Variants in ABCC10 observed in about 807,000 individuals in gnomAD.
ABCC10 encodes the protein ATP binding cassette subfamily C member 10, also known as ATP-binding cassette sub-family C member 10.
In ABCC10, 110 loss-of-function variants were observed where a neutral mutation model predicts 143.2. That is an observed-to-expected ratio of 0.77 (90% CI 0.66 to 0.90). ABCC10 has a LOEUF of 0.90. Among genes scored for constraint, ABCC10 ranks in the 40% least tolerant of loss-of-function variants. The pLI, the probability that ABCC10 is intolerant of heterozygous loss-of-function variation, is 0.00. For missense variants in ABCC10, 1,700 were observed against 1,900.5 expected, an observed-to-expected ratio of 0.89 and a Z score of 1.96; for synonymous variants, 805 against 846.7, an observed-to-expected ratio of 0.95 and a Z score of 0.85.
In ABCC10 at chr6:43,436,233, C is replaced by G. The variant is rs1195992131; in HGVS notation, c.1861C>G (p.Leu621Val). ...GTSLETFISH[L>V]EVKKGMLVGI... ...CAGCCTGGAGACCTTCATCAGTCAT[C>G]TCGAAGTGAAAAAGGTTTGTTGGAC... Residue 621 changes from leucine (L) to valine (V), a missense_variant, in exon 6 of 22, where the codon CTC becomes GTC. Physicochemically the swap from Leu to Val is conservative, Grantham distance 32. Transcript: ENST00000372530. 1 of 1,613,802 alleles carries G rather than the reference C, an allele frequency of 6.2e-7. No homozygotes were observed. The highest frequency in any genetic ancestry group is 8.5e-7 in the Non-Finnish European group (1 of 1,179,986).
chr6:43,443,867 C>T lies in ABCC10; in HGVS notation c.2417-66C>T, dbSNP rs527489600. The T allele has an allele frequency of 7.6e-4, 1,116 of 1,471,892 alleles. 7 individuals are homozygous for T. Among genetic ancestry groups the T allele is most frequent in the Non-Finnish European group, 3.1e-4 (327 of 1,050,600 alleles). The allele number at this position is 1,471,892 out of a possible 1,614,324, so 91.2% of individuals were successfully genotyped here. On this transcript the variant is annotated intron_variant, in intron 10 of 21. Coordinates refer to ENST00000372530, the MANE Select transcript of ABCC10 (RefSeq NM_001198934.2). The surrounding 1 kb of genome is among the most constrained non-coding windows in gnomAD (Gnocchi z 4.2). ...GAGGATGAGAGGTGGGATCTGCACA[C>T]GCACTGAGAAAGGCATAGTATAGAC...
At position 43,433,308 on chromosome 6, in the gene ABCC10, G is replaced by A. The variant is rs758290484; in HGVS notation, c.1328G>A (p.Arg443His). 26 of 1,613,916 alleles carry A rather than the reference G, an allele frequency of 1.6e-5. No homozygotes were observed. Among genetic ancestry groups the A allele is most frequent in the Non-Finnish European group, 2.2e-5 (26 of 1,179,904 alleles). ...LVPVNKVIAT[R>H]IMASNQEMLQ... ...CCCGTCAACAAAGTGATTGCCACCC[G>A]CATCATGGCCAGCAACCAGGAAATG... Residue 443 changes from arginine (R) to histidine (H), a missense_variant, in exon 3 of 22, where the codon CGC (arginine) becomes CAC (histidine). By Grantham distance (29) the Arg-to-His change is conservative. Transcript: ENST00000372530.
At chr6:43,449,624 G>T in intron 21 of ABCC10, 90 bp downstream of exon 21, 1 of 1,091,268 alleles carries the variant, frequency 9.2e-7, no homozygotes, top group Non-Finnish European at 1.3e-6. Context: ...AGTGGTCAGG[G>T]CCTTAGAGAT....
In ABCC10 at chr6:43,445,582, C is replaced by T. The variant is rs1170303370; in HGVS notation, c.3031-17C>T. On this transcript the variant is annotated splice_polypyrimidine_tract_variant and intron_variant, in intron 14 of 21. Coordinates refer to ENST00000372530, the MANE Select transcript of ABCC10 (RefSeq NM_001198934.2). ...CTGCCAGACTCTGCCCTGGCCCAAT[C>T]AGCGTCCTTCTCCCAGGCACCAGTG... 1 of 1,592,908 alleles carries T rather than the reference C, an allele frequency of 6.3e-7. No homozygotes were observed. The highest frequency in any genetic ancestry group is 1.1e-5 in the South Asian group (1 of 89,774).
In ABCC10 at chr6:43,434,730, G is replaced by A. The variant is rs766248445; in HGVS notation, c.1490G>A (p.Arg497Gln). ...CGGGCTCGAGAGCTGGGGCGACTCC[G>A]GGTCATCAAATACCTGGATGCGGCC... Reference protein sequence around the residue: ...ACRARELGRLRVIKYLDAACV... With the variant: ...ACRARELGRLQVIKYLDAACV... The change falls in exon 4 of 22, where the codon CGG (arginine) becomes CAG (glutamine). Residue 497 changes from arginine (R) to glutamine (Q), a missense_variant. Transcript: ENST00000372530. The A allele has an allele frequency of 1.5e-5, 25 of 1,614,058 alleles. No homozygotes were observed. The highest frequency in any genetic ancestry group is 9.3e-5 in the African/African-American group (7 of 74,890).
At chr6:43,445,356 G>A (rs116738220) in intron 14 of ABCC10, 42 bp downstream of exon 14, 65,996 of 1,577,874 alleles carry the variant, frequency 0.042, 1,580 homozygotes, top group Non-Finnish European at 0.047. Context: ...TGCAGTCCTA[G>A]CCCCTGTGGA....
At position 43,449,006 on chromosome 6, in the gene ABCC10, G is replaced by A; in HGVS notation, c.4085G>A (p.Ser1362Asn). 6.2e-7 allele frequency: 1 copy of A among 1,614,110 alleles called. No individual in the cohort carries two copies. The highest frequency in any genetic ancestry group is 8.5e-7 in the Non-Finnish European group (1 of 1,179,966). ...LWQALKQCHLSEVITSMGGLD... is the reference protein window; with the variant it reads ...LWQALKQCHLNEVITSMGGLD... ...CAGGCCCTGAAGCAGTGCCACCTGA[G>A]TGAGGTGATTACATCCATGGGTGAG... The change falls in exon 19 of 22, where the codon AGT becomes AAT. Residue 1362 changes from serine (S) to asparagine (N), a missense_variant. Ser to Asn is a conservative substitution (Grantham distance 46, BLOSUM62 1). Transcript: ENST00000372530.
Position 43,439,795 on chromosome 6 carries a change from A to G in ABCC10, c.2127+1000A>G, listed in dbSNP as rs191182587. Among the ~76,000 whole-genome samples, 734 of 151,666 alleles carry G rather than the reference A, an allele frequency of 4.8e-3. 3 individuals carry two copies. Among genetic ancestry groups the G allele is most frequent in the South Asian group, 0.017 (81 of 4,794 alleles). ...AACAGGGTTTCACCATGTTGGCCAG[A>G]ATGGTCTCCATCTCCTGACCTTGTG... On this transcript the variant is annotated intron_variant, in intron 8 of 21. Coordinates refer to ENST00000372530, the MANE Select transcript of ABCC10 (RefSeq NM_001198934.2).
In ABCC10 at chr6:43,446,370, G is replaced by A. The variant is rs979223454; in HGVS notation, c.3468G>A (p.Gln1156=). 6 of 1,613,520 alleles carry A rather than the reference G, an allele frequency of 3.7e-6. No individual in the cohort carries two copies. The highest frequency in any genetic ancestry group is 1.7e-5 in the Admixed American group (1 of 59,990). Residue 1156 remains glutamine, a synonymous_variant, in exon 16 of 22, where the codon CAG becomes CAA. Coordinates refer to ENST00000372530, the MANE Select transcript of ABCC10 (RefSeq NM_001198934.2). The stretch of plus-strand genomic sequence containing the variant: ...TGCAGTGGCTGGACATTCGGCTACA[G>A]CTCATGGGGGCGGCAGTGGTCAGCG... ...ATMQWLDIRL[Q]LMGAAVVSAI...
rs1420953999 is a variant in ABCC10, at chr6:43,435,787, C to A, written c.1645C>A (p.Leu549Ile). The change falls in exon 5 of 22, where the codon CTT becomes ATT. Residue 549 changes from leucine to isoleucine, a missense_variant. Leu to Ile is a conservative substitution (Grantham distance 5). Coordinates refer to ENST00000372530, the MANE Select transcript of ABCC10 (RefSeq NM_001198934.2). ...CCTGGCACTGGTGCGAATGCTCATTCTTCCTCTCAACAACTTCCCTTGGGT... is the reference window on the plus strand; with the variant it reads ...CCTGGCACTGGTGCGAATGCTCATTATTCCTCTCAACAACTTCCCTTGGGT... Reference protein sequence around the residue: ...TALALVRMLILPLNNFPWVIN... With the variant: ...TALALVRMLIIPLNNFPWVIN... 1.2e-6 allele frequency: 2 copies of A among 1,614,100 alleles called. No individual in the cohort carries two copies. Among genetic ancestry groups the A allele is most frequent in the Non-Finnish European group, 1.7e-6 (2 of 1,180,034 alleles).
chr6:43,432,196 T>C lies in ABCC10; in HGVS notation c.216T>C (p.Ala72=), dbSNP rs780086667. Reference sequence around the variant, plus strand: ...CTGGATGGCGCCTCCGACTTGCAGCTTCCTTCCTGCTTTCCGTCTTCCCGC... The same window carrying C: ...CTGGATGGCGCCTCCGACTTGCAGCCTCCTTCCTGCTTTCCGTCTTCCCGC... ...CSPGWRLRLA[A]SFLLSVFPLL... The change falls in exon 3 of 22, where the codon GCT becomes GCC. Residue 72 remains alanine (A), a synonymous_variant. Transcript: ENST00000372530. The C allele has an allele frequency of 6.2e-7, 1 of 1,614,210 alleles. No homozygotes were observed. The highest frequency in any genetic ancestry group is 8.5e-7 in the Non-Finnish European group (1 of 1,180,028).
At chr6:43,434,227 C>A (rs1176712789) in intron 3 of ABCC10, among the ~76,000 whole-genome samples, 1 of 152,234 alleles carries the variant, frequency 6.6e-6, no homozygotes, top group Non-Finnish European at 1.5e-5. Flanking sequence ...AACTGGGGGG[C>A]CAGCCCCCGA....
Position 43,447,885 on chromosome 6 carries a change from C to T in ABCC10, c.3907C>T (p.Arg1303Ter), listed in dbSNP as rs367672943. ...LFRLLEPSSG[R>*]VLLDGVDTSQ... ...CCGGCTGCTAGAGCCCAGTTCAGGG[C>T]GAGTGCTGCTGGACGGCGTGGACAC... Residue 1303 changes from arginine to a stop codon, truncating the protein, a stop_gained, in exon 18 of 22, where the codon CGA becomes TGA. Transcript: ENST00000372530. LOFTEE classifies it high-confidence loss of function. 11 of 1,613,794 alleles carry T rather than the reference C, an allele frequency of 6.8e-6. No individual in the cohort carries two copies. Among genetic ancestry groups the T allele is most frequent in the African/African-American group, 4.0e-5 (3 of 74,924 alleles).
At chr6:43,444,526 A>G (rs995841970) in intron 12 of ABCC10, among the ~76,000 whole-genome samples, 173 bp downstream of exon 12, 3 of 152,218 alleles carry the variant, frequency 2.0e-5, no homozygotes, top group African/African-American at 4.8e-5. Context: ...CATGTGCTCT[A>G]TAGCTGGCTT....
In ABCC10 at chr6:43,435,902, G is replaced by C. The variant is rs760153765; in HGVS notation, c.1760G>C (p.Ser587Thr). Residue 587 changes from serine (S) to threonine (T), a missense_variant, in exon 5 of 22, where the codon AGC becomes ACC. Ser to Thr is a moderately conservative substitution (Grantham distance 58). Coordinates refer to ENST00000372530, the MANE Select transcript of ABCC10 (RefSeq NM_001198934.2). ...AACCACAACCCCCAGGCCTACTACA[G>C]CCCAGGTAATGGGAAGCTAGTGGGC... ...LPNHNPQAYY[S>T]PDPPAEPSTV... 6.2e-7 allele frequency: 1 copy of C among 1,614,122 alleles called. No individual in the cohort carries two copies. The highest frequency in any genetic ancestry group is 1.1e-5 in the South Asian group (1 of 91,082).
At chr6:43,431,650 C>T (rs776592001) in intron 2 of ABCC10, 62 of 312,324 alleles carry the variant, frequency 2.0e-4, no homozygotes, top group Non-Finnish European at 2.7e-4. Context: ...GCGTGAGCCA[C>T]GGCGCCCAGC....
Position 43,446,510 on chromosome 6 carries a change from C to T in ABCC10, c.3544+64C>T, listed in dbSNP as rs961444711. The T allele has an allele frequency of 3.3e-6, 5 of 1,526,456 alleles. No individual in the cohort carries two copies. In the South Asian group the frequency reaches 6.2e-5, roughly 19 times the overall value. The allele number at this position is 1,526,456 out of a possible 1,614,324, so 94.6% of individuals were successfully genotyped here. ...GTTAGTCCACCGCTCTCCCAGATCT[C>T]TCCCTGCACCATCCCCCCAACATTT... On this transcript the variant is annotated intron_variant, in intron 16 of 21. Coordinates refer to ENST00000372530, the MANE Select transcript of ABCC10 (RefSeq NM_001198934.2).
chr6:43,446,231 T>C, intron 15 of ABCC10, 46 bp from the exon 16 acceptor site: 4 of 1,585,110 alleles, frequency 2.5e-6, no homozygotes, highest in South Asian at 1.2e-5. Flanking sequence ...GCTGGGTGGC[T>C]CAGGGCAACA....
rs921920073 is a variant in ABCC10, at chr6:43,450,320, G to T, written c.*229G>T. On this transcript the variant is annotated 3_prime_UTR_variant, in exon 22 of 22. Transcript: ENST00000372530. This position sits in a 1 kb window ranked among gnomAD's most constrained non-coding sequence, Gnocchi z 4.5. ...GCTCTGGCCCTCTTGCATCTGGAAC[G>T]CCAGGTGGGTTTTTCTGGCATAGGA... 3.6e-6 allele frequency: 3 copies of T among 833,386 alleles called. No individual in the cohort carries two copies. Among genetic ancestry groups the T allele is most frequent in the Admixed American group, 6.9e-5 (2 of 29,012 alleles). The allele number at this position is 833,386 out of a possible 1,614,324, so 51.6% of individuals were successfully genotyped here.
Sources: gnomAD v4.1 joint callset for allele counts (sites outside exome capture counted in the v4.1 genomes callset) on GRCh38, gnomAD v4.1.1 for gene constraint, Gnocchi (gnomAD v3.1) non-coding constraint, MANE v1.5 for transcripts, NCBI Gene and HGNC (gene_info 2026-07-23, HGNC 2026-07-21) for gene names.